RBFOX1: variants seen among roughly 807,000 people sequenced by gnomAD.
RBFOX1 encodes the protein RNA binding fox-1 homolog 1, also known as RNA binding protein fox-1 homolog 1.
In RBFOX1, 8 loss-of-function variants were observed where a neutral mutation model predicts 57.7. That is an observed-to-expected ratio of 0.14 (90% CI 0.08 to 0.25). The LOEUF (loss-of-function observed/expected upper bound fraction) is 0.25. RBFOX1 is among the 10% of genes least tolerant of loss of function. The pLI, the probability that RBFOX1 is intolerant of heterozygous loss-of-function variation, is 1.00. For missense variants in RBFOX1, 611 were observed against 548.5 expected (o/e 1.11, Z -1.14); for synonymous variants, 326 against 222.4 (o/e 1.47, Z -4.15).
intron 1 of RBFOX1, among the ~76,000 whole-genome samples, chr16:5,249,314 C>T (rs1336025099): frequency 6.6e-6 from 1 of 152,184 alleles, no homozygotes; most frequent in Non-Finnish European, 1.5e-5. Context: ...CCACCCCTGA[C>T]TGTGCCCCCC....
chr16:7,174,046 A>G (rs1229650157), intron 4 of RBFOX1, among the ~76,000 whole-genome samples: 1 of 152,200 alleles, frequency 6.6e-6, no homozygotes, highest in Non-Finnish European at 1.5e-5. Context: ...TTTATTGAGC[A>G]TCTGCTTTGT....
intron 1 of RBFOX1, among the ~76,000 whole-genome samples, chr16:6,104,132 A>AACACACACACACACACACAC (rs112249231): frequency 4.0e-5 from 6 of 148,470 alleles, no homozygotes; most frequent in African/African-American, 1.5e-4. Context: ...TCCCAGTTGA[A>AACACACACACACACACACAC]ACACACACAC....
chr16:7,116,129 T>C (rs1253274479), intron 4 of RBFOX1, among the ~76,000 whole-genome samples: 2 of 152,198 alleles, frequency 1.3e-5, no homozygotes, highest in African/African-American at 2.4e-5. Context: ...CAGACAACAA[T>C]GGCTTCTGAA....
At chr16:6,146,829 T>C (rs982563778) in intron 1 of RBFOX1, among the ~76,000 whole-genome samples, 6 of 152,176 alleles carry the variant, frequency 3.9e-5, no homozygotes, top group Admixed American at 3.3e-4. Context: ...TAAGTGGCGA[T>C]TCAAGCTCCA....
intron 3 of RBFOX1, among the ~76,000 whole-genome samples, chr16:6,974,977 C>T (rs147104472): frequency 2.0e-5 from 3 of 152,202 alleles, no homozygotes; most frequent in Non-Finnish European, 4.4e-5. Flanking sequence ...TCCTCTGCTT[C>T]TGCTTCTAAT....
chr16:7,536,171 C>G (rs937468195), intron 5 of RBFOX1, among the ~76,000 whole-genome samples: 1 of 152,168 alleles, frequency 6.6e-6, no homozygotes, highest in Non-Finnish European at 1.5e-5. Flanking sequence ...GAAAGGAGAG[C>G]TGACTGTAAT....
At chr16:6,865,268 A>AATC (rs2059727179) in intron 3 of RBFOX1, among the ~76,000 whole-genome samples, 2 of 151,830 alleles carry the variant, frequency 1.3e-5, no homozygotes, top group Non-Finnish European at 2.9e-5. Context: ...CTCCCACAGT[A>AATC]CTGGGATTAC....
intron 2 of RBFOX1, among the ~76,000 whole-genome samples, chr16:5,542,194 C>T (rs1013093865): frequency 1.3e-4 from 19 of 151,578 alleles, no homozygotes; most frequent in Admixed American, 7.2e-4. Context: ...CCCTTCTATG[C>T]GCACTCAAGA....
At chr16:6,782,175 T>G (rs1014890548) in intron 3 of RBFOX1, among the ~76,000 whole-genome samples, 2 of 152,100 alleles carry the variant, frequency 1.3e-5, no homozygotes, top group African/African-American at 4.8e-5. Context: ...CCCAGCTAAT[T>G]GTTGTATTTT....
At chr16:6,632,094 G>A (rs1321927658) in intron 2 of RBFOX1, among the ~76,000 whole-genome samples, 1 of 152,090 alleles carries the variant, frequency 6.6e-6, no homozygotes, top group South Asian at 2.1e-4. Flanking sequence ...TGCTGGGTTT[G>A]GTTTCTGAGT....
At chr16:6,707,723 G>C (rs1313518734) in intron 3 of RBFOX1, among the ~76,000 whole-genome samples, 1 of 152,156 alleles carries the variant, frequency 6.6e-6, no homozygotes, top group Non-Finnish European at 1.5e-5. Flanking sequence ...CTGCTCCATA[G>C]CACATTTTTA....
intron 2 of RBFOX1, among the ~76,000 whole-genome samples, chr16:6,416,628 C>G (rs2152981447): frequency 6.6e-6 from 1 of 152,166 alleles, no homozygotes; most frequent in Admixed American, 6.5e-5. Flanking sequence ...AGTAAGAACC[C>G]CAAGGCGTGT....
intron 4 of RBFOX1, among the ~76,000 whole-genome samples, chr16:5,962,331 A>G (rs969853592): frequency 4.6e-5 from 7 of 152,302 alleles, no homozygotes; most frequent in African/African-American, 1.4e-4. Context: ...CTGTACTGCT[A>G]TCAGGACAGT....
chr16:6,766,019 T>C (rs1328687215), intron 3 of RBFOX1, among the ~76,000 whole-genome samples: 1 of 152,024 alleles, frequency 6.6e-6, no homozygotes, highest in African/African-American at 2.4e-5. Context: ...AACTACCTAT[T>C]TAGTACAACG....
Position 7,168,406 on chromosome 16 carries a change from A to G in RBFOX1, c.27+116308A>G, listed in dbSNP as rs200349497. Among the ~76,000 whole-genome samples, 14 of 151,902 alleles carry G rather than the reference A, an allele frequency of 9.2e-5. No individual in the cohort carries two copies. The East Asian group carries it at 1.8e-3, about 19-fold the overall frequency. ...GGGAAAGAGTGTACCTCAAACCTCA[A>G]CAGCCACATTGTCCACCAATTCTCA... On this transcript the variant is annotated intron_variant, in intron 4 of 15. Transcript: ENST00000550418.
intron 2 of RBFOX1, among the ~76,000 whole-genome samples, chr16:6,411,369 GTA>G (rs1424995805): frequency 2.6e-5 from 4 of 152,274 alleles, no homozygotes; most frequent in Non-Finnish European, 4.4e-5. Context: ...TGGCAAAAAT[GTA>G]TATGTTTATG....
intron 2 of RBFOX1, among the ~76,000 whole-genome samples, chr16:6,370,961 G>A (rs980752020): frequency 6.6e-6 from 1 of 152,120 alleles, no homozygotes; most frequent in African/African-American, 2.4e-5. Flanking sequence ...CCTCAATTTG[G>A]GTCTTTCAGC....
intron 2 of RBFOX1, among the ~76,000 whole-genome samples, chr16:5,541,326 A>G (rs562859888): frequency 1.8e-4 from 28 of 152,248 alleles, no homozygotes; most frequent in African/African-American, 6.7e-4. Flanking sequence ...TATTTTGTCA[A>G]GGTTGAGGAC....
intron 3 of RBFOX1, among the ~76,000 whole-genome samples, chr16:5,696,008 G>C (rs1483813375): frequency 3.9e-5 from 6 of 152,320 alleles, no homozygotes; most frequent in Admixed American, 2.6e-4. Context: ...ATGAGGATTA[G>C]AGGAAAATGT....
Sources: gnomAD v4.1 joint callset for allele counts (sites outside exome capture counted in the v4.1 genomes callset) on GRCh38, gnomAD v4.1.1 for gene constraint, MANE v1.5 for transcripts, NCBI Gene and HGNC (gene_info 2026-07-23, HGNC 2026-07-21) for gene names.